The following TMEM161A variants were observed in gnomAD, a reference collection of about 807,000 sequenced individuals.
TMEM161A encodes adaptive response to oxidative stress protein 29.
Under a neutral mutation model 57.1 loss-of-function variants are expected in TMEM161A, and 46 were observed. The observed-to-expected ratio is 0.81, with a 90% CI of 0.64 to 1.03. The LOEUF (loss-of-function observed/expected upper bound fraction) is 1.03, where lower values mean the gene tolerates loss of function less well. TMEM161A is among the 50% of genes least tolerant of loss of function. TMEM161A has a pLI of 0.00. For synonymous variants in TMEM161A, 288 were observed against 279.0 expected, an observed-to-expected ratio of 1.03 and a Z score of -0.32; for missense variants, 601 against 621.5, an observed-to-expected ratio of 0.97 and a Z score of 0.35.
chr19:19,126,120 C>A (rs576894109), intron 6 of TMEM161A, among the ~76,000 whole-genome samples: 2 of 150,442 alleles, frequency 1.3e-5, no homozygotes, highest in African/African-American at 4.9e-5. Context: ...TACTAGAGAT[C>A]GCCCACTGCA....
chr19:19,133,071 G>C (rs2059966557), intron 3 of TMEM161A, 59 bp downstream of exon 3: 21 of 1,530,520 alleles, frequency 1.4e-5, no homozygotes, highest in Non-Finnish European at 1.9e-5. Context: ...GCAGGGGTGA[G>C]GCCGTTCCTG....
At chr19:19,122,107 ATG>A (rs2059913843) in intron 6 of TMEM161A, among the ~76,000 whole-genome samples, 1 of 152,118 alleles carries the variant, frequency 6.6e-6, no homozygotes, top group South Asian at 2.1e-4. Flanking sequence ...AGCCTGGCCA[ATG>A]CAGTGAAACC....
Position 19,130,292 on chromosome 19 carries a change from T to G in TMEM161A, c.459A>C (p.Thr153=), listed in dbSNP as rs1402614106. ...CGGCGCTGAAGTACAGCCGTGTCAC[T>G]GTCAGGAACATCTTGCTGGAGGCTG... The part of the protein sequence containing the change: ...TVTFSIKMFL[T]VTRLYFSAEE... The change falls in exon 6 of 12, where the codon ACA becomes ACC. Residue 153 remains threonine, a synonymous_variant. Coordinates refer to ENST00000162044, the MANE Select transcript of TMEM161A (RefSeq NM_017814.3). The G allele has an allele frequency of 1.9e-6, 3 of 1,613,408 alleles. No individual in the cohort carries two copies. Among genetic ancestry groups the G allele is most frequent in the Non-Finnish European group, 2.5e-6 (3 of 1,180,030 alleles).
At chr19:19,122,230 G>T (rs2059914460) in intron 6 of TMEM161A, among the ~76,000 whole-genome samples, 1 of 152,190 alleles carries the variant, frequency 6.6e-6, no homozygotes, top group African/African-American at 2.4e-5. Flanking sequence ...GGGAGCGGAG[G>T]TTGCAGTGAG....
At chr19:19,133,534 T>C (rs1260531065) in intron 2 of TMEM161A, among the ~76,000 whole-genome samples, 4 of 152,142 alleles carry the variant, frequency 2.6e-5, no homozygotes, top group African/African-American at 4.8e-5. Context: ...TGCAGTGGCA[T>C]GATCTTGGCT....
At chr19:19,133,596 C>G (rs1026453012) in intron 2 of TMEM161A, among the ~76,000 whole-genome samples, 4 of 151,762 alleles carry the variant, frequency 2.6e-5, no homozygotes, top group African/African-American at 9.7e-5. Context: ...CTCAGCCTCC[C>G]GAGGAGCTGG....
rs548687527 is a variant in TMEM161A at position 19,121,265 on chromosome 19, C to T, written c.914+43G>A. On this transcript the variant is annotated intron_variant, in intron 9 of 11. Transcript: ENST00000162044. The surrounding 1 kb of genome is among the most constrained non-coding windows in gnomAD (Gnocchi z 5.8). ...CCCTGAATCTCAGAGGCTAGGGCAC[C>T]CAGGGGAGCCCCAGCTACCTCCTAG... The T allele has an allele frequency of 1.7e-5, 26 of 1,552,528 alleles. No individual in the cohort carries two copies. The South Asian group carries it at 3.0e-4, about 18-fold the overall frequency.
At position 19,133,247 on chromosome 19, in the gene TMEM161A, G is replaced by T. The variant is rs373441714; in HGVS notation, c.108-37C>A. On this transcript the variant is annotated intron_variant, in intron 2 of 11. Coordinates refer to ENST00000162044, the MANE Select transcript of TMEM161A (RefSeq NM_017814.3). ...GACGGGCAGTCAGGGAAGCTCAGGC[G>T]TGGGGTTGGGAGGTTGAGGCAGTGA... 1.0e-5 allele frequency: 16 copies of T among 1,604,482 alleles called. No individual in the cohort carries two copies. The African/African-American group carries it at 2.1e-4, about 21-fold the overall frequency.
At position 19,132,263 on chromosome 19, in the gene TMEM161A, G is replaced by T; in HGVS notation, c.443+89C>A. 6.8e-7 allele frequency: 1 copy of T among 1,462,276 alleles called. No homozygotes were observed. Among genetic ancestry groups the T allele is most frequent in the Non-Finnish European group, 9.2e-7 (1 of 1,081,772 alleles). The allele number at this position is 1,462,276 out of a possible 1,614,324, so 90.6% of individuals were successfully genotyped here. A position where few individuals can be genotyped will look rare whatever the true frequency, so the allele number is the denominator to read the frequency against. ...TGGGGAAGTTTGTGGCACAGCAGGT[G>T]AAAACTGCCACACCAGTTTAGGGGA... On this transcript the variant is annotated intron_variant, in intron 5 of 11. Transcript: ENST00000162044. This position sits in a 1 kb window ranked among gnomAD's most constrained non-coding sequence, Gnocchi z 4.3.
chr19:19,127,952 A>G (rs1376267190), intron 6 of TMEM161A, among the ~76,000 whole-genome samples: 1 of 152,042 alleles, frequency 6.6e-6, no homozygotes, highest in Admixed American at 6.6e-5. Context: ...AAAAAGAAAA[A>G]AAAATTCTAA....
In TMEM161A at chr19:19,121,774, T is replaced by A; in HGVS notation, c.641A>T (p.Gln214Leu). 1 of 1,613,986 alleles carries A rather than the reference T, an allele frequency of 6.2e-7. No individual in the cohort carries two copies. Among genetic ancestry groups the A allele is most frequent in the Non-Finnish European group, 8.5e-7 (1 of 1,179,976 alleles). ...TQNLEPLLKK[Q>L]GWDWALPVAK... The stretch of plus-strand genomic sequence containing the variant: ...CAGGACTCACGCCCAGTCCCAGCCC[T>A]GCTTCTTCAGAAGTGGCTCTAAGTT... Residue 214 changes from glutamine (Q) to leucine (L), a missense_variant, in exon 7 of 12, where the codon CAG becomes CTG. Coordinates refer to ENST00000162044, the MANE Select transcript of TMEM161A (RefSeq NM_017814.3). The surrounding 1 kb of genome is among the most constrained non-coding windows in gnomAD (Gnocchi z 5.8).
chr19:19,130,812 A>G (rs2059955023), intron 5 of TMEM161A, among the ~76,000 whole-genome samples: 1 of 152,046 alleles, frequency 6.6e-6, no homozygotes, highest in African/African-American at 2.4e-5. Flanking sequence ...GGTCCCAGCT[A>G]CTGGGGAGCC....
rs748711358 is a variant in TMEM161A, at chr19:19,138,470, G to T, written c.-42C>A. 3 of 1,584,548 alleles carry T rather than the reference G, an allele frequency of 1.9e-6. No homozygotes were observed. The Middle Eastern group carries it at 5.0e-4, about 263-fold the overall frequency. ...CGGTGCACTCACCCACCGGCCTAGG[G>T]CTCCGGGCACTCTGCGGAAACTCGA... is the stretch of plus-strand genomic sequence containing the variant. On this transcript the variant is annotated 5_prime_UTR_variant, in exon 1 of 12. Transcript: ENST00000162044.
chr19:19,126,989 G>A (rs2059933945), intron 6 of TMEM161A, among the ~76,000 whole-genome samples: 1 of 152,048 alleles, frequency 6.6e-6, no homozygotes, highest in Non-Finnish European at 1.5e-5. Context: ...AAAGGTTGCA[G>A]TGAGTGGAGA....
In TMEM161A at chr19:19,120,986, C is replaced by G. The variant is rs2059906630; in HGVS notation, c.1089+6G>C. The G allele has an allele frequency of 6.2e-7, 1 of 1,607,100 alleles. No individual in the cohort carries two copies. The highest frequency in any genetic ancestry group is 8.5e-7 in the Non-Finnish European group (1 of 1,176,374). On this transcript the variant is annotated splice_donor_region_variant and intron_variant, in intron 10 of 11. Transcript: ENST00000162044. The stretch of plus-strand genomic sequence containing the variant: ...CCTCTGGCCTAGGTCATCGGGGCGT[C>G]CATACCCTCTGCTGGATTTCACGGG...
Position 19,120,840 on chromosome 19 carries a change from C to T in TMEM161A, c.1111G>A (p.Val371Met). ...AGGTACTGCAAGCTCACCACGGTCA[C>T]ATAGCAGTAGACTCGGACCACCTGT... ...QQRVVRVYCY[V>M]TVVSLQYLTP... The change falls in exon 11 of 12, where the codon GTG becomes ATG. Residue 371 changes from valine to methionine, a missense_variant. Physicochemically the swap from Val to Met is conservative, Grantham distance 21. Coordinates refer to ENST00000162044, the MANE Select transcript of TMEM161A (RefSeq NM_017814.3). The T allele has an allele frequency of 6.2e-7, 1 of 1,613,468 alleles. No individual in the cohort carries two copies. Among genetic ancestry groups the T allele is most frequent in the East Asian group, 2.2e-5 (1 of 44,884 alleles).
intron 6 of TMEM161A, among the ~76,000 whole-genome samples, chr19:19,127,663 C>CTG (rs1233698595): frequency 6.6e-6 from 1 of 151,920 alleles, no homozygotes; most frequent in Non-Finnish European, 1.5e-5. Flanking sequence ...GGCCCAGTGG[C>CTG]TCACGCCTGT....
rs1287220354 is a variant in TMEM161A, at chr19:19,119,998, T to C, written c.1372A>G (p.Thr458Ala). 2 of 1,588,272 alleles carry C rather than the reference T, an allele frequency of 1.3e-6. No individual in the cohort carries two copies. The highest frequency in any genetic ancestry group is 2.7e-5 in the African/African-American group (2 of 74,440). The change falls in exon 12 of 12, where the codon ACG becomes GCG. Residue 458 changes from threonine to alanine, a missense_variant. Thr to Ala is a moderately conservative substitution (Grantham distance 58). Coordinates refer to ENST00000162044, the MANE Select transcript of TMEM161A (RefSeq NM_017814.3). ...RGVLAYLIWW[T>A]AACQLLASLF... is the part of the protein sequence containing the mutation. ...CTGGCGAGCAGCTGGCAGGCAGCCG[T>C]CCACCAGATGAGGTAGGCCAGGACG...
At chr19:19,130,329 G>C (rs370625003) in intron 5 of TMEM161A, 22 bp from the exon 6 acceptor site, 5 of 1,610,692 alleles carry the variant, frequency 3.1e-6, no homozygotes, top group Non-Finnish European at 3.4e-6. Flanking sequence ...AGCTAAGGAG[G>C]CCTCAGGTGC....
Sources: gnomAD v4.1 joint callset for allele counts (sites outside exome capture counted in the v4.1 genomes callset) on GRCh38, gnomAD v4.1.1 for gene constraint, Gnocchi (gnomAD v3.1) non-coding constraint, MANE v1.5 for transcripts, NCBI Gene and HGNC (gene_info 2026-07-23, HGNC 2026-07-21) for gene names.